Variants in ABCD3 observed in about 807,000 individuals in gnomAD.
ABCD3 encodes ATP binding cassette subfamily D member 3.
A neutral mutation model predicts 105.5 loss-of-function variants in ABCD3; 41 were observed. The observed-to-expected ratio is 0.39, with a 90% confidence interval of 0.30 to 0.50. ABCD3 has a LOEUF of 0.50. ABCD3 is among the 20% of genes least tolerant of loss of function. The pLI is 0.84. For synonymous variants in ABCD3, 258 were observed against 269.0 expected, an observed-to-expected ratio of 0.96 and a Z score of 0.40; for missense variants, 622 against 806.3, an observed-to-expected ratio of 0.77 and a Z score of 2.77.
intron 13 of ABCD3, 41 bp from the exon 14 acceptor site, chr1:94,489,683 AG>A: frequency 7.4e-7 from 1 of 1,345,660 alleles, no homozygotes; most frequent in East Asian, 2.3e-5. Flanking sequence ...ATGTGACAAT[AG>A]TCTGGAGTTT....
intron 20 of ABCD3, among the ~76,000 whole-genome samples, chr1:94,506,312 C>CTA (rs775784877): frequency 9.9e-5 from 15 of 152,080 alleles, no homozygotes; most frequent in Non-Finnish European, 1.9e-4. Context: ...TTACTCTGAG[C>CTA]AATTAGTATT....
At chr1:94,453,563 C>A (rs1327688182) in intron 1 of ABCD3, among the ~76,000 whole-genome samples, 1 of 151,988 alleles carries the variant, frequency 6.6e-6, no homozygotes, top group East Asian at 1.9e-4. Context: ...CGTGATCCGC[C>A]CACCTCGGCC....
intron 10 of ABCD3, among the ~76,000 whole-genome samples, chr1:94,485,048 G>A (rs1264769939): frequency 3.9e-5 from 6 of 152,110 alleles, no homozygotes; most frequent in Admixed American, 3.3e-4. Context: ...GAATGAGTGG[G>A]TGTGGCTATG....
chr1:94,458,633 A>G lies in ABCD3; in HGVS notation c.137A>G (p.Gln46Arg). The G allele has an allele frequency of 4.3e-6, 7 of 1,612,598 alleles. No homozygotes were observed. The highest frequency in any genetic ancestry group is 5.9e-6 in the Non-Finnish European group (7 of 1,178,918). The change falls in exon 2 of 23, where the codon CAG (glutamine) becomes CGG (arginine). Residue 46 changes from glutamine (Q) to arginine (R), a missense_variant. This residue lies in a region of ABCD3 where 89 missense variants were observed against 77.5 expected (regional missense o/e 1.15). Coordinates refer to ENST00000370214, the MANE Select transcript of ABCD3 (RefSeq NM_002858.4). ...AAGAAAAGTGGAAAACCACCATTAC[A>G]GAACAATGAGGTAAAAGTTTAAATC... ...HGKKSGKPPL[Q>R]NNEKEGKKER...
intron 9 of ABCD3, 129 bp downstream of exon 9, chr1:94,480,735 A>T: frequency 1.0e-6 from 1 of 987,552 alleles, no homozygotes; most frequent in East Asian, 2.5e-5. Context: ...GAAAATATAC[A>T]TTATGAAAGA....
At position 94,508,894 on chromosome 1, in the gene ABCD3, A is replaced by G. The variant is rs542665919; in HGVS notation, c.1845+2252A>G. 7.4e-3 allele frequency among the ~76,000 whole-genome samples: 1,131 copies of G among 152,286 alleles called. 17 individuals are homozygous for G. The highest frequency in any genetic ancestry group is 0.025 in the African/African-American group (1,040 of 41,536). ...CTTAAGGAAATTTTGGGCTGAGACA[A>G]TGGGGTTTTCTAGATATACAATCAT... On this transcript the variant is annotated intron_variant, in intron 21 of 22. Transcript: ENST00000370214.
At chr1:94,427,421 T>C (rs978671284) in intron 1 of ABCD3, among the ~76,000 whole-genome samples, 1 of 152,206 alleles carries the variant, frequency 6.6e-6, no homozygotes, top group Non-Finnish European at 1.5e-5. Flanking sequence ...TTTTGGTGAA[T>C]TCATATTTTC....
chr1:94,401,912 A>G, the ABCD3 span, among the ~76,000 whole-genome samples: 1 of 152,338 alleles, frequency 6.6e-6, no homozygotes, highest in Non-Finnish European at 1.5e-5. Context: ...CCCAAAGAAA[A>G]TATAGAACAT....
chr1:94,480,302 C>T, intron 8 of ABCD3, 162 bp from the exon 9 acceptor site: 1 of 740,408 alleles, frequency 1.4e-6, no homozygotes, highest in Non-Finnish European at 2.2e-6. Flanking sequence ...GTAGAGGCTA[C>T]TGTGTACTTT....
At chr1:94,391,892 C>A in the ABCD3 span, among the ~76,000 whole-genome samples, 31 of 152,298 alleles carry the variant, frequency 2.0e-4, no homozygotes, top group South Asian at 6.4e-3. Flanking sequence ...GGCTCACAAC[C>A]AGCCTGATTT....
chr1:94,489,869 AAT>A (rs1303239213), intron 14 of ABCD3, 32 bp from the exon 15 acceptor site: 4 of 1,611,730 alleles, frequency 2.5e-6, no homozygotes, highest in Admixed American at 3.3e-5. Context: ...TTGCTGACAT[AAT>A]ATGATGCTTT....
chr1:94,400,195 G>A, the ABCD3 span, among the ~76,000 whole-genome samples: 1 of 152,096 alleles, frequency 6.6e-6, no homozygotes, highest in Non-Finnish European at 1.5e-5. Context: ...ATCACCTGAG[G>A]GTAGGAGTTC....
chr1:94,454,937 C>A (rs368427329), intron 1 of ABCD3, among the ~76,000 whole-genome samples: 37 of 152,326 alleles, frequency 2.4e-4, no homozygotes, highest in African/African-American at 8.9e-4. Context: ...CAGGCGTGAG[C>A]CACCACACCT....
intron 21 of ABCD3, among the ~76,000 whole-genome samples, chr1:94,509,233 A>G (rs978334710): frequency 2.0e-5 from 3 of 152,170 alleles, no homozygotes; most frequent in Admixed American, 6.5e-5. Flanking sequence ...TTCTGCATCT[A>G]TTGAGATAAT....
At chr1:94,454,466 A>T (rs1226748666) in intron 1 of ABCD3, among the ~76,000 whole-genome samples, 1 of 152,070 alleles carries the variant, frequency 6.6e-6, no homozygotes, top group Non-Finnish European at 1.5e-5. Flanking sequence ...ACCTTATTAA[A>T]AATCAGATAT....
At chr1:94,413,597 G>C (rs17111512), upstream of ABCD3, among the ~76,000 whole-genome samples, 2,829 of 152,256 alleles carry the variant, frequency 0.019, 99 homozygotes, top group African/African-American at 0.066. Flanking sequence ...TGCCAGCTTG[G>C]GCTAACTAGG....
intron 4 of ABCD3, among the ~76,000 whole-genome samples, chr1:94,469,829 C>T (rs1034309329): frequency 3.3e-5 from 5 of 151,968 alleles, no homozygotes; most frequent in African/African-American, 1.2e-4. Context: ...CCACACCTGG[C>T]TAATTTTTTG....
chr1:94,394,951 A>G, the ABCD3 span, among the ~76,000 whole-genome samples: 2 of 152,126 alleles, frequency 1.3e-5, no homozygotes, highest in Admixed American at 6.5e-5. Flanking sequence ...AATGCAGTAG[A>G]TACTTTCTGA....
intron 10 of ABCD3, among the ~76,000 whole-genome samples, chr1:94,486,260 G>C (rs1482107774): frequency 6.6e-6 from 1 of 152,102 alleles, no homozygotes; most frequent in Non-Finnish European, 1.5e-5. Flanking sequence ...TTTTCATCAG[G>C]GACTTGAGCA....
Sources: allele counts gnomAD v4.1 joint callset (sites outside exome capture counted in the v4.1 genomes callset), GRCh38; gene constraint gnomAD v4.1.1; regional missense constraint gnomAD v4.1.1; transcripts MANE v1.5; gene names NCBI Gene and HGNC (gene_info 2026-07-23, HGNC 2026-07-21).